Variants in INPP4B observed in about 807,000 individuals in gnomAD.
The protein encoded by INPP4B is inositol polyphosphate 4-phosphatase type II.
A neutral mutation model predicts 122.5 loss-of-function variants in INPP4B; 55 were observed. That is an observed-to-expected ratio of 0.45 (90% CI 0.36 to 0.56). The LOEUF is 0.56. Ranked by LOEUF, INPP4B falls within the 20% of genes least tolerant of loss-of-function variation. The pLI, the probability that INPP4B is intolerant of heterozygous loss-of-function variation, is 0.00. For missense variants in INPP4B, 1,000 were observed against 1,097.7 expected (o/e 0.91, Z 1.26); for synonymous variants, 403 against 388.7 (o/e 1.04, Z -0.43).
intron 15 of INPP4B, among the ~76,000 whole-genome samples, chr4:142,187,463 T>C (rs1221148525): frequency 6.6e-6 from 1 of 152,116 alleles, no homozygotes; most frequent in Non-Finnish European, 1.5e-5. Context: ...ATGAAAGTTG[T>C]TTTATAAATG....
At chr4:142,215,702 G>A (rs1846831445) in intron 12 of INPP4B, among the ~76,000 whole-genome samples, 1 of 151,578 alleles carries the variant, frequency 6.6e-6, no homozygotes. Context: ...GACCATCCTG[G>A]CTAACATGGT....
intron 2 of INPP4B, among the ~76,000 whole-genome samples, chr4:142,533,292 T>C (rs984833371): frequency 1.3e-5 from 2 of 152,124 alleles, no homozygotes; most frequent in Non-Finnish European, 2.9e-5. Context: ...GAGTCTACTC[T>C]GCCATCAGTG....
chr4:142,262,089 AT>A (rs1419398989), intron 10 of INPP4B, among the ~76,000 whole-genome samples: 1 of 152,118 alleles, frequency 6.6e-6, no homozygotes, highest in African/African-American at 2.4e-5. Context: ...TAAAATTCTA[AT>A]TTTTCCTATT....
intron 15 of INPP4B, among the ~76,000 whole-genome samples, chr4:142,182,323 C>T (rs1240580261): frequency 2.6e-5 from 4 of 151,826 alleles, no homozygotes; most frequent in East Asian, 3.9e-4. Context: ...CTGAGGTGGG[C>T]GGATCACGAG....
At chr4:142,255,769 C>T (rs562921670) in intron 11 of INPP4B, among the ~76,000 whole-genome samples, 1 of 152,074 alleles carries the variant, frequency 6.6e-6, no homozygotes, top group African/African-American at 2.4e-5. Context: ...ACTTTAACTC[C>T]CCACTGTCAA....
rs185828539 is a variant in INPP4B, at chr4:142,381,492, C to T, written c.372+21446G>A. Among the ~76,000 whole-genome samples the T allele has an allele frequency of 7.2e-5, 11 of 152,140 alleles. No homozygotes were observed. In the East Asian group the frequency reaches 2.1e-3, roughly 29 times the overall value. ...GATTAACCCACTAGCCTCTGAATTGCAAATAATTTTTCATATCTAATTTTC... is the reference window on the plus strand; with the variant it reads ...GATTAACCCACTAGCCTCTGAATTGTAAATAATTTTTCATATCTAATTTTC... On this transcript the variant is annotated intron_variant, in intron 7 of 25. Transcript: ENST00000262992.
intron 2 of INPP4B, among the ~76,000 whole-genome samples, chr4:142,598,481 G>C (rs1019711003): frequency 1.3e-5 from 2 of 152,092 alleles, no homozygotes; most frequent in African/African-American, 4.8e-5. Context: ...TCCACATCCT[G>C]TAAGTCCCCA....
chr4:142,280,341 C>G (rs1750610995), intron 9 of INPP4B, among the ~76,000 whole-genome samples: 1 of 151,990 alleles, frequency 6.6e-6, no homozygotes. Flanking sequence ...GTATCCACAA[C>G]ATGCAATATT....
intron 7 of INPP4B, among the ~76,000 whole-genome samples, chr4:142,377,290 T>C (rs1349945962): frequency 6.6e-6 from 1 of 151,740 alleles, no homozygotes; most frequent in Admixed American, 6.6e-5. Flanking sequence ...CTGACAAATG[T>C]CTTAGAAGGA....
chr4:142,085,261 C>G (rs1179002624), intron 24 of INPP4B, among the ~76,000 whole-genome samples: 1 of 152,146 alleles, frequency 6.6e-6, no homozygotes, highest in Non-Finnish European at 1.5e-5. Context: ...AATTGAAGCA[C>G]TGGAAGTAGG....
intron 2 of INPP4B, chr4:142,654,609 T>A (rs1753785311): frequency 6.6e-6 from 1 of 152,216 alleles, no homozygotes; most frequent in Non-Finnish European, 1.5e-5. Flanking sequence ...TCCTTTTCCG[T>A]ATGCTTCTGA....
At chr4:142,421,257 T>A (rs1469735842) in intron 5 of INPP4B, among the ~76,000 whole-genome samples, 1 of 152,110 alleles carries the variant, frequency 6.6e-6, no homozygotes, top group Non-Finnish European at 1.5e-5. Context: ...AAATATCTCC[T>A]CAAAAGTACT....
intron 11 of INPP4B, among the ~76,000 whole-genome samples, chr4:142,245,450 C>A (rs1330300452): frequency 6.6e-6 from 1 of 152,142 alleles, no homozygotes; most frequent in African/African-American, 2.4e-5. Flanking sequence ...CCAGTTTTCA[C>A]AACACATTTA....
At chr4:142,823,055 ACACACTGGCAGTAAAATGCTCAGG>A (rs1410086510) in intron 1 of INPP4B, among the ~76,000 whole-genome samples, 1 of 152,174 alleles carries the variant, frequency 6.6e-6, no homozygotes, top group African/African-American at 2.4e-5. Flanking sequence ...CTGGAGGGTG[ACACACTGGCAGTAAAATGCTCAGG>A]TAAAGAAGTG....
chr4:142,804,234 TTTC>T (rs1267501779), intron 1 of INPP4B, among the ~76,000 whole-genome samples: 3 of 152,130 alleles, frequency 2.0e-5, no homozygotes, highest in Admixed American at 6.6e-5. Context: ...TCATATGACT[TTTC>T]TACTCTAAAC....
At chr4:142,616,846 A>G (rs1262781473) in intron 2 of INPP4B, among the ~76,000 whole-genome samples, 1 of 152,176 alleles carries the variant, frequency 6.6e-6, no homozygotes, top group African/African-American at 2.4e-5. Context: ...ACAGAGAGCC[A>G]AAAACCACAC....
intron 9 of INPP4B, among the ~76,000 whole-genome samples, chr4:142,284,781 T>G (rs1752753209): frequency 6.6e-6 from 1 of 152,076 alleles, no homozygotes; most frequent in Admixed American, 6.6e-5. Context: ...ATAAAACCTG[T>G]AAGCACGGAA....
At chr4:142,099,482 C>G (rs972202391) in intron 23 of INPP4B, among the ~76,000 whole-genome samples, 1 of 151,996 alleles carries the variant, frequency 6.6e-6, no homozygotes, top group African/African-American at 2.4e-5. Flanking sequence ...GTTTATAAAG[C>G]AAAGTTATTG....
chr4:142,662,185 A>G (rs943776550), intron 2 of INPP4B, among the ~76,000 whole-genome samples: 1 of 151,994 alleles, frequency 6.6e-6, no homozygotes, highest in Non-Finnish European at 1.5e-5. Flanking sequence ...TAGTGAGCCA[A>G]GACAGCGCCA....
Sources: allele counts gnomAD v4.1 joint callset (sites outside exome capture counted in the v4.1 genomes callset), GRCh38; gene constraint gnomAD v4.1.1; transcripts MANE v1.5; gene names NCBI Gene and HGNC (gene_info 2026-07-23, HGNC 2026-07-21).